The following IQGAP2 variants were observed in gnomAD, a reference collection of about 807,000 sequenced individuals.
IQGAP2 encodes IQ motif containing GTPase activating protein 2.
Under a neutral mutation model 201.3 loss-of-function variants are expected in IQGAP2, and 173 were observed. That is an observed-to-expected ratio of 0.86 (90% CI 0.76 to 0.98). The LOEUF (loss-of-function observed/expected upper bound fraction) is 0.98. Ranked by LOEUF, IQGAP2 falls within the 50% of genes least tolerant of loss-of-function variation. The probability of loss-of-function intolerance (pLI) is 0.00; values close to 1 mark genes in which losing one functional copy is unlikely to be tolerated. For synonymous variants in IQGAP2, 675 were observed against 673.9 expected (o/e 1.00, Z -0.03); for missense variants, 1,687 against 1,864.8 (o/e 0.90, Z 1.76).
At chr5:76,483,456 G>A (rs746653824) in intron 2 of IQGAP2, among the ~76,000 whole-genome samples, 7 of 152,166 alleles carry the variant, frequency 4.6e-5, no homozygotes, top group African/African-American at 7.2e-5. Flanking sequence ...AATATAATTC[G>A]TATTGGAACA....
At chr5:76,594,975 T>TAA (rs554113962) in intron 9 of IQGAP2, among the ~76,000 whole-genome samples, 35,124 of 148,766 alleles carry the variant, frequency 0.24, 4,340 homozygotes, top group South Asian at 0.47. Flanking sequence ...CAAAAAAAAT[T>TAA]TAAAAAAAAA....
chr5:76,623,935 G>A (rs1433770032), intron 13 of IQGAP2, among the ~76,000 whole-genome samples: 1 of 22,952 alleles, frequency 4.4e-5, no homozygotes, highest in African/African-American at 2.0e-4. Flanking sequence ...GTTTGTTCAG[G>A]CTTTTTTTTT....
intron 11 of IQGAP2, among the ~76,000 whole-genome samples, chr5:76,603,362 T>G (rs942378730): frequency 1.3e-5 from 2 of 152,216 alleles, no homozygotes; most frequent in Non-Finnish European, 2.9e-5. Context: ...TAAAGGAGCA[T>G]ATGCCTTGGA....
chr5:76,538,288 C>T (rs181898059), intron 2 of IQGAP2, among the ~76,000 whole-genome samples: 84 of 152,294 alleles, frequency 5.5e-4, no homozygotes, highest in African/African-American at 1.9e-3. Flanking sequence ...GTCGCTCCCA[C>T]GACATGTGGG....
intron 35 of IQGAP2, among the ~76,000 whole-genome samples, chr5:76,702,928 C>T (rs1747538052): frequency 6.7e-6 from 1 of 148,158 alleles, no homozygotes; most frequent in South Asian, 2.1e-4. Flanking sequence ...GCATTTCTTT[C>T]TAAGACTATG....
At chr5:76,498,717 A>G (rs1226026619) in intron 2 of IQGAP2, among the ~76,000 whole-genome samples, 1 of 152,194 alleles carries the variant, frequency 6.6e-6, no homozygotes, top group Non-Finnish European at 1.5e-5. Flanking sequence ...GTTTTGGCAT[A>G]CTGCTATTTG....
intron 2 of IQGAP2, among the ~76,000 whole-genome samples, chr5:76,554,154 G>T (rs1237900050): frequency 6.6e-6 from 1 of 152,132 alleles, no homozygotes; most frequent in Non-Finnish European, 1.5e-5. Context: ...GTAGCCACAT[G>T]CAAAAGAATG....
chr5:76,534,433 G>A (rs916932076), intron 2 of IQGAP2, among the ~76,000 whole-genome samples: 3 of 152,170 alleles, frequency 2.0e-5, no homozygotes, highest in African/African-American at 7.2e-5. Flanking sequence ...TAAAATCTGT[G>A]ATTATCTGGA....
intron 1 of IQGAP2, among the ~76,000 whole-genome samples, chr5:76,429,030 G>C (rs564183152): frequency 6.8e-6 from 1 of 147,482 alleles, no homozygotes; most frequent in South Asian, 2.2e-4. Flanking sequence ...AGTGAGCCAA[G>C]ATTGTGCCAT....
intron 2 of IQGAP2, among the ~76,000 whole-genome samples, chr5:76,561,772 A>G (rs1289284078): frequency 6.6e-6 from 1 of 152,154 alleles, no homozygotes; most frequent in Non-Finnish European, 1.5e-5. Context: ...CTTTGTCTAA[A>G]ATATTTTTTT....
intron 2 of IQGAP2, chr5:76,510,645 C>T (rs1223018590): frequency 3.8e-6 from 2 of 532,078 alleles, no homozygotes; most frequent in African/African-American, 1.9e-5. Context: ...ACTACTTCTA[C>T]TCCTTTGGGG....
At chr5:76,548,561 G>A (rs1049744258) in intron 2 of IQGAP2, among the ~76,000 whole-genome samples, 3 of 152,206 alleles carry the variant, frequency 2.0e-5, no homozygotes, top group Non-Finnish European at 2.9e-5. Context: ...GTGTCCTGCA[G>A]AGGTGACAAC....
intron 1 of IQGAP2, chr5:76,441,569 G>T (rs28489619): frequency 2.6e-5 from 25 of 962,434 alleles, no homozygotes; most frequent in Non-Finnish European, 3.0e-5. Context: ...CCAGTGGCAG[G>T]GTTCGTGAAT....
chr5:76,513,066 A>G (rs963240901), intron 2 of IQGAP2, among the ~76,000 whole-genome samples: 1 of 150,878 alleles, frequency 6.6e-6, no homozygotes, highest in African/African-American at 2.5e-5. Flanking sequence ...AAAAGAAAAA[A>G]AAAAAGAAAA....
chr5:76,695,079 G>A (rs1326437421), intron 31 of IQGAP2, among the ~76,000 whole-genome samples: 1 of 152,166 alleles, frequency 6.6e-6, no homozygotes, highest in East Asian at 1.9e-4. Flanking sequence ...AACATTCAGG[G>A]TTCTCATAGC....
At chr5:76,558,181 G>A (rs1018550661) in intron 2 of IQGAP2, among the ~76,000 whole-genome samples, 2 of 152,020 alleles carry the variant, frequency 1.3e-5, no homozygotes, top group Non-Finnish European at 1.5e-5. Context: ...TTAAAAACAA[G>A]CCCAACTCTA....
intron 2 of IQGAP2, among the ~76,000 whole-genome samples, chr5:76,490,453 T>G (rs1756468045): frequency 6.6e-6 from 1 of 151,984 alleles, no homozygotes; most frequent in Non-Finnish European, 1.5e-5. Flanking sequence ...CTTAAGGCAT[T>G]TATCAAATAG....
chr5:76,496,767 T>TTGTTTC (rs1561416631), intron 2 of IQGAP2, among the ~76,000 whole-genome samples: 4 of 120,984 alleles, frequency 3.3e-5, no homozygotes, highest in African/African-American at 1.6e-4. Context: ...CTTTCTTTCT[T>TTGTTTC]TCTTTCTTTC....
intron 10 of IQGAP2, among the ~76,000 whole-genome samples, chr5:76,599,581 T>C (rs1404867841): frequency 6.6e-6 from 1 of 152,234 alleles, no homozygotes; most frequent in African/African-American, 2.4e-5. Flanking sequence ...TTGTATTTAA[T>C]GTAATATATT....
Sources: gnomAD v4.1 joint callset for allele counts (sites outside exome capture counted in the v4.1 genomes callset) on GRCh38, gnomAD v4.1.1 for gene constraint, MANE v1.5 for transcripts, NCBI Gene and HGNC (gene_info 2026-07-23, HGNC 2026-07-21) for gene names.